ALK: variants seen among roughly 807,000 people sequenced by gnomAD.
ALK encodes ALK tyrosine kinase receptor.
Under a neutral mutation model 163.1 loss-of-function variants are expected in ALK, and 74 were observed. That is an observed-to-expected ratio of 0.45 (90% CI 0.38 to 0.55). ALK has a LOEUF of 0.55. Ranked by LOEUF, ALK falls within the 20% of genes least tolerant of loss-of-function variation. The pLI, the probability that ALK is intolerant of heterozygous loss-of-function variation, is 0.00. For synonymous variants in ALK, 960 were observed against 843.2 expected (o/e 1.14, Z -2.40); for missense variants, 2,063 against 2,105.3 (o/e 0.98, Z 0.39).
At chr2:29,429,461 T>A (rs1023024329) in intron 4 of ALK, among the ~76,000 whole-genome samples, 1 of 151,894 alleles carries the variant, frequency 6.6e-6, no homozygotes. Flanking sequence ...AATTCAAAAA[T>A]GATATTACAA....
rs116781417 is a variant in ALK at position 29,646,666 on chromosome 2, G to A, written c.952+48184C>T. 3.8e-3 allele frequency among the ~76,000 whole-genome samples: 577 copies of A among 152,020 alleles called. 1 individual carries two copies. The highest frequency in any genetic ancestry group is 0.013 in the African/African-American group (519 of 41,450). ...TATTCCAGGCATTCTCCTGCTTCAGGGCCCTTGTGGTCATTACTCCCTCTG... is the reference window on the plus strand; with the variant it reads ...TATTCCAGGCATTCTCCTGCTTCAGAGCCCTTGTGGTCATTACTCCCTCTG... On this transcript the variant is annotated intron_variant, in intron 3 of 28. Transcript: ENST00000389048.
At chr2:29,721,377 G>A (rs978252220) in intron 1 of ALK, among the ~76,000 whole-genome samples, 1 of 152,166 alleles carries the variant, frequency 6.6e-6, no homozygotes, top group African/African-American at 2.4e-5. Flanking sequence ...ACACACAACA[G>A]TGCTGACAGG....
intron 4 of ALK, among the ~76,000 whole-genome samples, chr2:29,509,993 C>A (rs1399977459): frequency 6.6e-6 from 1 of 152,184 alleles, no homozygotes; most frequent in Non-Finnish European, 1.5e-5. Flanking sequence ...ACTCTCTAGT[C>A]CAGGATTGCC....
Position 29,196,831 on chromosome 2 carries a change from T to A in ALK, c.4103A>T (p.His1368Leu). The change falls in exon 28 of 29, where the codon CAT (histidine) becomes CTT (leucine). Residue 1368 changes from histidine to leucine, a missense_variant. By Grantham distance (99) the His-to-Leu change is moderately conservative. Transcript: ENST00000389048. ...VYRIMTQCWQ[H>L]QPEDRPNFAI... ...AAAGTTGGGCCTGTCTTCAGGCTGA[T>A]GTTGCCAGCACTGAGTCATTATCCG... is the stretch of plus-strand genomic sequence containing the variant. 1 of 1,614,166 alleles carries A rather than the reference T, an allele frequency of 6.2e-7. No homozygotes were observed. Among genetic ancestry groups the A allele is most frequent in the Non-Finnish European group, 8.5e-7 (1 of 1,179,964 alleles).
intron 1 of ALK, among the ~76,000 whole-genome samples, chr2:29,796,295 AC>A (rs1165977589): frequency 6.6e-6 from 1 of 152,182 alleles, no homozygotes; most frequent in African/African-American, 2.4e-5. Context: ...AGCAAAACTT[AC>A]GAAAAATACA....
At chr2:29,715,286 T>TACTCTTACCCAGAACTTGGGC (rs1553351331) in intron 2 of ALK, among the ~76,000 whole-genome samples, 1 of 152,230 alleles carries the variant, frequency 6.6e-6, no homozygotes, top group Non-Finnish European at 1.5e-5. Flanking sequence ...ATGACTTGGG[T>TACTCTTACCCAGAACTTGGGC]ACTCTTACCC....
chr2:29,851,719 T>C (rs1665996952), intron 1 of ALK, among the ~76,000 whole-genome samples: 1 of 152,174 alleles, frequency 6.6e-6, no homozygotes, highest in South Asian at 2.1e-4. Flanking sequence ...TTCATCTTCC[T>C]CACCAGACAC....
rs200352018 is a variant in ALK at position 29,343,209 on chromosome 2, A to T, written c.1283-14728T>A. On this transcript the variant is annotated intron_variant, in intron 5 of 28. Transcript: ENST00000389048. ...CCGATCTTTTTTTTAAAATTTAAAA[A>T]TTTTTTTTTTTTTTTTTGAGACAGG... is the stretch of plus-strand genomic sequence containing the variant. 8.0e-3 allele frequency among the ~76,000 whole-genome samples: 564 copies of T among 70,720 alleles called. 4 individuals are homozygous for T. The highest frequency in any genetic ancestry group is 0.013 in the South Asian group (22 of 1,750). 46.4% of individuals were successfully genotyped at this position (70,720 alleles called of 152,430 possible).
At chr2:29,774,368 T>C (rs1681112689) in intron 1 of ALK, among the ~76,000 whole-genome samples, 1 of 152,176 alleles carries the variant, frequency 6.6e-6, no homozygotes, top group South Asian at 2.1e-4. Context: ...TGGGGCTTTC[T>C]TGTTCTCTGG....
intron 3 of ALK, among the ~76,000 whole-genome samples, chr2:29,611,896 T>G (rs1355120419): frequency 6.6e-6 from 1 of 152,228 alleles, no homozygotes; most frequent in African/African-American, 2.4e-5. Context: ...ATACCCTTTT[T>G]CTTCGTAAAT....
At chr2:29,834,611 TGA>T (rs1329502925) in intron 1 of ALK, among the ~76,000 whole-genome samples, 1 of 152,062 alleles carries the variant, frequency 6.6e-6, no homozygotes, top group Non-Finnish European at 1.5e-5. Flanking sequence ...GATGAAAAAC[TGA>T]GATTGCAATA....
chr2:29,801,485 A>G (rs977795973), intron 1 of ALK, among the ~76,000 whole-genome samples: 1 of 152,200 alleles, frequency 6.6e-6, no homozygotes, highest in Non-Finnish European at 1.5e-5. Context: ...GCTCCTAGAC[A>G]TATAGGTTTT....
At chr2:29,546,030 A>ATG (rs752184798) in intron 3 of ALK, among the ~76,000 whole-genome samples, 2 of 152,260 alleles carry the variant, frequency 1.3e-5, no homozygotes, top group East Asian at 1.9e-4. Flanking sequence ...AAATACGCGT[A>ATG]TGTGTGTGTG....
At chr2:29,645,660 T>C (rs746202203) in intron 3 of ALK, among the ~76,000 whole-genome samples, 29 of 152,198 alleles carry the variant, frequency 1.9e-4, no homozygotes, top group Non-Finnish European at 4.1e-4. Context: ...CGCCATCCTG[T>C]GCCACCACTG....
At chr2:29,470,275 A>G (rs1005989901) in intron 4 of ALK, among the ~76,000 whole-genome samples, 10 of 152,220 alleles carry the variant, frequency 6.6e-5, no homozygotes, top group African/African-American at 9.6e-5. Flanking sequence ...TAAAATACAT[A>G]TAATTTGAAG....
chr2:29,591,045 T>A (rs1214671543), intron 3 of ALK, among the ~76,000 whole-genome samples: 1 of 112,240 alleles, frequency 8.9e-6, no homozygotes, highest in Non-Finnish European at 1.6e-5. Context: ...CACTCCAACC[T>A]GGGAGACACA....
At chr2:29,345,993 G>C (rs980883219) in intron 5 of ALK, among the ~76,000 whole-genome samples, 1 of 152,172 alleles carries the variant, frequency 6.6e-6, no homozygotes, top group Non-Finnish European at 1.5e-5. Flanking sequence ...TGAATGCTTT[G>C]AGCTCTCTTT....
chr2:29,205,942 A>G (rs1316163224), intron 26 of ALK, among the ~76,000 whole-genome samples: 1 of 151,834 alleles, frequency 6.6e-6, no homozygotes, highest in East Asian at 1.9e-4. Context: ...TCGGTCCTCC[A>G]AAGAGAAATT....
intron 24 of ALK, 35 bp from the exon 25 acceptor site, chr2:29,209,913 C>T (rs958351484): frequency 1.1e-5 from 17 of 1,559,972 alleles, no homozygotes; most frequent in Admixed American, 1.0e-4. Context: ...CTAATTTTAT[C>T]CCTAGGAAGA....
Sources: allele counts gnomAD v4.1 joint callset (sites outside exome capture counted in the v4.1 genomes callset), GRCh38; gene constraint gnomAD v4.1.1; transcripts MANE v1.5; gene names NCBI Gene and HGNC (gene_info 2026-07-23, HGNC 2026-07-21).